SLC39A10: variants seen among roughly 807,000 people sequenced by gnomAD.
SLC39A10 encodes the protein zinc transporter ZIP10.
In SLC39A10, 13 loss-of-function variants were observed where a neutral mutation model predicts 65.1. The ratio of observed to expected loss-of-function variants is 0.20; its 90% CI spans 0.13 to 0.32. SLC39A10 has a LOEUF of 0.32. Ranked by LOEUF, SLC39A10 falls within the 10% of genes least tolerant of loss-of-function variation. SLC39A10 has a pLI of 1.00. For synonymous variants in SLC39A10, 321 were observed against 342.2 expected (o/e 0.94, Z 0.68); for missense variants, 831 against 1,018.4 (o/e 0.82, Z 2.50).
chr2:195,650,109 C>T (rs1688999659), intron 2 of SLC39A10, among the ~76,000 whole-genome samples: 1 of 151,880 alleles, frequency 6.6e-6, no homozygotes, highest in Non-Finnish European at 1.5e-5. Flanking sequence ...TAGGAATTGG[C>T]AAGTACACTA....
At chr2:195,629,235 C>T (rs941538774) in intron 2 of SLC39A10, among the ~76,000 whole-genome samples, 5 of 151,908 alleles carry the variant, frequency 3.3e-5, no homozygotes, top group Non-Finnish European at 7.4e-5. Context: ...AATACACACA[C>T]ACACACAAAT....
At chr2:195,625,633 T>C (rs1688456795) in intron 2 of SLC39A10, among the ~76,000 whole-genome samples, 2 of 152,158 alleles carry the variant, frequency 1.3e-5, no homozygotes, top group African/African-American at 4.8e-5. Flanking sequence ...CCATTATATG[T>C]CCCCACTCTT....
rs79276537 is a variant in SLC39A10 at position 195,686,249 on chromosome 2, G to T, written c.1216+2343G>T. On this transcript the variant is annotated intron_variant, in intron 3 of 9. Coordinates refer to ENST00000359634, the MANE Select transcript of SLC39A10 (RefSeq NM_020342.3). ...GTATAAGAATTTTATTTGAGATAGAGATACAAGTAAAAGGAAATATTATTA... is the reference window on the plus strand; with the variant it reads ...GTATAAGAATTTTATTTGAGATAGATATACAAGTAAAAGGAAATATTATTA... Among the ~76,000 whole-genome samples the T allele has an allele frequency of 8.5e-3, 1,294 of 152,184 alleles. 14 individuals carry two copies. The highest frequency in any genetic ancestry group is 0.03 in the African/African-American group (1,250 of 41,504).
At chr2:195,682,297 G>A (rs905851811) in intron 2 of SLC39A10, among the ~76,000 whole-genome samples, 7 of 152,178 alleles carry the variant, frequency 4.6e-5, no homozygotes, top group South Asian at 2.1e-4. Flanking sequence ...TGTCACTGTC[G>A]TTGAGATATG....
rs183627451 is a variant in SLC39A10, at chr2:195,737,480, A to T, written c.*2439A>T. 1.2e-5 allele frequency: 2 copies of T among 160,614 alleles called. No homozygotes were observed. Among genetic ancestry groups the T allele is most frequent in the African/African-American group, 4.9e-5 (2 of 41,166 alleles). 9.9% of individuals were successfully genotyped at this position (160,614 alleles called of 1,614,324 possible). ...GTGAATTTTTTCCATTAACAAACAA[A>T]CAAGTCAGTGGCTTAAATGTGATTA... On this transcript the variant is annotated 3_prime_UTR_variant, in exon 10 of 10. Coordinates refer to ENST00000359634, the MANE Select transcript of SLC39A10 (RefSeq NM_020342.3).
intron 2 of SLC39A10, among the ~76,000 whole-genome samples, chr2:195,641,497 T>G (rs1015696874): frequency 6.6e-6 from 1 of 152,164 alleles, no homozygotes; most frequent in Admixed American, 6.6e-5. Flanking sequence ...TTTAGCCCAA[T>G]GTACTTAAAA....
intron 1 of SLC39A10, among the ~76,000 whole-genome samples, chr2:195,674,782 A>G (rs1425358904): frequency 6.6e-6 from 1 of 151,918 alleles, no homozygotes; most frequent in East Asian, 1.9e-4. Context: ...ACACCTACCT[A>G]TAGAGTATAG....
rs142787553 is a variant in SLC39A10, at chr2:195,702,443, C to T, written c.1217-4173C>T. On this transcript the variant is annotated intron_variant, in intron 3 of 9. Transcript: ENST00000359634. ...ATCAGAATTAACCACATTTTACCAT[C>T]GAGCTTTCCCCTAGAAGTTGCAAGC... is the stretch of plus-strand genomic sequence containing the variant. Among the ~76,000 whole-genome samples, 22 of 152,276 alleles carry T rather than the reference C, an allele frequency of 1.4e-4. No homozygotes were observed. In the East Asian group the frequency reaches 4.1e-3, roughly 28 times the overall value.
rs1553490931 is a variant in SLC39A10, at chr2:195,619,114, A to AAAAGAG, written c.-12+12882_-12+12883insAAGAGA. ...TCTCAAAAAAAAAAAAAAAAAAAAA[A>AAAAGAG]AGAGAGAGAGAGAAAGGAAAGAATA... On this transcript the variant is annotated intron_variant, in intron 2 of 2. Transcript: ENST00000458054. Among the ~76,000 whole-genome samples, 715 of 131,822 alleles carry AAAAGAG rather than the reference A, an allele frequency of 5.4e-3. 15 individuals are homozygous for AAAAGAG. Among genetic ancestry groups the AAAAGAG allele is most frequent in the African/African-American group, 0.02 (639 of 31,456 alleles). The allele number at this position is 131,822 out of a possible 152,430, so 86.5% of individuals were successfully genotyped here. A position where few individuals can be genotyped will look rare whatever the true frequency, so the allele number is the denominator to read the frequency against.
chr2:195,716,571 T>TTTCTAG lies in SLC39A10; in HGVS notation c.1697-66_1697-65insTTCTAG, dbSNP rs1553506094. ...AGAAATGTTCATTGCACTGCTATTC[T>TTTCTAG]GTTTAAATTAGCAAATATCCATGCA... On this transcript the variant is annotated intron_variant, in intron 6 of 9. Transcript: ENST00000359634. 5.9e-5 allele frequency: 80 copies of TTTCTAG among 1,350,032 alleles called. 2 individuals carry two copies. The South Asian group carries it at 1.1e-3, about 19-fold the overall frequency. The allele number at this position is 1,350,032 out of a possible 1,614,324, so 83.6% of individuals were successfully genotyped here. A position where few individuals can be genotyped will look rare whatever the true frequency, so the allele number is the denominator to read the frequency against.
chr2:195,680,939 T>C lies in SLC39A10; in HGVS notation c.897T>C (p.Pro299=). Residue 299 remains proline, a synonymous_variant, in exon 2 of 10, where the codon CCT becomes CCC. Coordinates refer to ENST00000359634, the MANE Select transcript of SLC39A10 (RefSeq NM_020342.3). ...GTCGTGGACACCAAGATCTTGATCCTGATAATGAAGGTGAACTTCGACATA... is the reference window on the plus strand; with the variant it reads ...GTCGTGGACACCAAGATCTTGATCCCGATAATGAAGGTGAACTTCGACATA... ...DPGRGHQDLD[P]DNEGELRHTR... 6.2e-7 allele frequency: 1 copy of C among 1,614,104 alleles called. No homozygotes were observed. The highest frequency in any genetic ancestry group is 8.5e-7 in the Non-Finnish European group (1 of 1,180,014).
chr2:195,704,511 A>G (rs1339140082), intron 3 of SLC39A10, among the ~76,000 whole-genome samples: 3 of 152,164 alleles, frequency 2.0e-5, no homozygotes, highest in Non-Finnish European at 2.9e-5. Context: ...TAGCTGGCCA[A>G]TAACTTTATT....
Position 195,728,220 on chromosome 2 carries a change from C to T in SLC39A10, c.2208C>T (p.Leu736=), listed in dbSNP as rs139317528. ...MTVKQAIVYN[L]LSAMMAYIGM... is the part of the protein sequence containing the mutation. ...TAAAGCAAGCAATTGTATACAACCT[C>T]CTCTCTGCCATGATGGCTTACATAG... is the stretch of plus-strand genomic sequence containing the variant. The change falls in exon 9 of 10, where the codon CTC becomes CTT. Residue 736 remains leucine, a synonymous_variant. Transcript: ENST00000359634. The surrounding 1 kb of genome is among the most constrained non-coding windows in gnomAD (Gnocchi z 4.4). The T allele has an allele frequency of 2.2e-5, 35 of 1,614,014 alleles. No homozygotes were observed. The East Asian group carries it at 7.6e-4, about 35-fold the overall frequency.
At chr2:195,689,670 T>G (rs1330672291) in intron 3 of SLC39A10, among the ~76,000 whole-genome samples, 1 of 152,188 alleles carries the variant, frequency 6.6e-6, no homozygotes, top group Non-Finnish European at 1.5e-5. Flanking sequence ...GTAACTCTTT[T>G]CATCTTGTAA....
intron 2 of SLC39A10, among the ~76,000 whole-genome samples, chr2:195,648,191 T>C (rs977188822): frequency 6.6e-6 from 1 of 151,880 alleles, no homozygotes; most frequent in African/African-American, 2.4e-5. Flanking sequence ...ACAGAAGAGG[T>C]CTCGCTATGT....
At chr2:195,711,163 C>G (rs1559044773) in intron 5 of SLC39A10, among the ~76,000 whole-genome samples, 1 of 152,194 alleles carries the variant, frequency 6.6e-6, no homozygotes, top group Admixed American at 6.5e-5. Flanking sequence ...TTGAGCATCT[C>G]TAATGTGACA....
chr2:195,653,441 C>G (rs1689083307), upstream of SLC39A10, among the ~76,000 whole-genome samples: 1 of 151,932 alleles, frequency 6.6e-6, no homozygotes, highest in South Asian at 2.1e-4. Flanking sequence ...ATTACAGGTG[C>G]CCGCCACCAT....
At chr2:195,624,409 A>AAAC (rs1688418882) in intron 2 of SLC39A10, among the ~76,000 whole-genome samples, 1 of 150,384 alleles carries the variant, frequency 6.6e-6, no homozygotes, top group African/African-American at 2.5e-5. Flanking sequence ...AAAAAAAAAA[A>AAAC]AAGGAAGAAG....
rs535498361 is a variant in SLC39A10, at chr2:195,692,434, G to T, written c.1216+8528G>T. Among the ~76,000 whole-genome samples the T allele has an allele frequency of 2.0e-3, 305 of 152,220 alleles. 2 individuals are homozygous for T. The highest frequency in any genetic ancestry group is 4.0e-3 in the Non-Finnish European group (269 of 67,992). ...GCATTGAATCTGTAGATTGCTTTTGGCAGTGTGGTCAATTTCACAGTATCG... is the reference window on the plus strand; with the variant it reads ...GCATTGAATCTGTAGATTGCTTTTGTCAGTGTGGTCAATTTCACAGTATCG... On this transcript the variant is annotated intron_variant, in intron 3 of 9. Coordinates refer to ENST00000359634, the MANE Select transcript of SLC39A10 (RefSeq NM_020342.3).
Sources: allele counts gnomAD v4.1 joint callset (sites outside exome capture counted in the v4.1 genomes callset), GRCh38; gene constraint gnomAD v4.1.1; non-coding constraint Gnocchi (gnomAD v3.1); transcripts MANE v1.5; gene names NCBI Gene and HGNC (gene_info 2026-07-23, HGNC 2026-07-21).